The following DSTYK variants were observed in gnomAD, a reference collection of about 807,000 sequenced individuals.
DSTYK encodes the protein RIP-homologous kinase.
Under a neutral mutation model 98.7 loss-of-function variants are expected in DSTYK, and 34 were observed. That is an observed-to-expected ratio of 0.34 (90% CI 0.26 to 0.46). The LOEUF is 0.46. Among genes scored for constraint, DSTYK ranks in the 20% least tolerant of loss-of-function variants. The pLI, the probability that DSTYK is intolerant of heterozygous loss-of-function variation, is 1.00. For missense variants in DSTYK, 962 were observed against 1,181.7 expected, an observed-to-expected ratio of 0.81 and a Z score of 2.73; for synonymous variants, 462 against 457.3, an observed-to-expected ratio of 1.01 and a Z score of -0.13.
intron 1 of DSTYK, chr1:205,202,188 A>G (rs1335273368): frequency 7.1e-6 from 4 of 561,408 alleles, no homozygotes; most frequent in Non-Finnish European, 1.4e-5. Context: ...GTAATCCGTG[A>G]AAATGGTTCG....
intron 1 of DSTYK, among the ~76,000 whole-genome samples, chr1:205,197,914 C>T (rs924315069): frequency 1.3e-5 from 2 of 152,208 alleles, no homozygotes; most frequent in African/African-American, 4.8e-5. Flanking sequence ...ACCACGAAGG[C>T]CGGGCGTGAT....
At chr1:205,188,163 A>T (rs563401832) in intron 1 of DSTYK, among the ~76,000 whole-genome samples, 112 of 152,226 alleles carry the variant, frequency 7.4e-4, no homozygotes, top group Non-Finnish European at 1.4e-3. Flanking sequence ...TTAAAATAAC[A>T]AAGCCAGAAA....
chr1:205,193,390 A>T (rs1269755699), intron 1 of DSTYK, among the ~76,000 whole-genome samples: 1 of 152,172 alleles, frequency 6.6e-6, no homozygotes, highest in Admixed American at 6.5e-5. Context: ...CCATCCCATC[A>T]GGCTCAGAAA....
intron 1 of DSTYK, among the ~76,000 whole-genome samples, chr1:205,210,457 C>G (rs187919146): frequency 6.6e-6 from 1 of 152,272 alleles, no homozygotes; most frequent in Admixed American, 6.5e-5. Context: ...TAATTAGACG[C>G]AGTAGTTAAC....
Position 205,147,709 on chromosome 1 carries a change from T to A in DSTYK, c.2639A>T (p.Glu880Val), listed in dbSNP as rs1657281044. The A allele has an allele frequency of 6.2e-7, 1 of 1,613,722 alleles. No homozygotes were observed. The highest frequency in any genetic ancestry group is 8.5e-7 in the Non-Finnish European group (1 of 1,179,920). Residue 880 changes from glutamate to valine, a missense_variant, in exon 13 of 13, where the codon GAG becomes GTG. This residue lies in a region of DSTYK where 65 missense variants were observed against 63.9 expected (regional missense o/e 1.02). Transcript: ENST00000367162. ...RPERLPVFDE[E>V]CWQLMEACWD... ...ACAGGCTTCCATCAACTGCCAGCACTCCTCATCAAACACAGGAAGACGTTC... is the reference window on the plus strand; with the variant it reads ...ACAGGCTTCCATCAACTGCCAGCACACCTCATCAAACACAGGAAGACGTTC...
chr1:205,169,506 A>T lies in DSTYK; in HGVS notation c.981T>A (p.Thr327=). ...HWNCGAPGQD[T]KAQSMLVEQS... is the part of the protein sequence containing the mutation. ...GTTCCACCAACATGCTCTGAGCTTT[A>T]GTATCCTGGCCAGGAGCCCCACAGT... Residue 327 remains threonine (T), a synonymous_variant, in exon 3 of 13, where the codon ACT becomes ACA. Transcript: ENST00000367162. The surrounding 1 kb of genome is among the most constrained non-coding windows in gnomAD (Gnocchi z 4.0). 1 of 1,614,138 alleles carries T rather than the reference A, an allele frequency of 6.2e-7. No homozygotes were observed. The highest frequency in any genetic ancestry group is 8.5e-7 in the Non-Finnish European group (1 of 1,180,028).
intron 1 of DSTYK, among the ~76,000 whole-genome samples, chr1:205,209,640 TTCTG>T (rs1345582661): frequency 1.4e-5 from 2 of 142,146 alleles, no homozygotes; most frequent in Admixed American, 7.4e-5. Flanking sequence ...TGACTAGTTT[TTCTG>T]AAACTACTAG....
chr1:205,206,197 C>T (rs1659192323), intron 1 of DSTYK, among the ~76,000 whole-genome samples: 1 of 152,208 alleles, frequency 6.6e-6, no homozygotes, highest in Non-Finnish European at 1.5e-5. Context: ...TTGCTCAGTA[C>T]ATACCAGGCA....
chr1:205,186,899 T>C (rs1443348799), intron 2 of DSTYK, among the ~76,000 whole-genome samples: 1 of 152,182 alleles, frequency 6.6e-6, no homozygotes, highest in Non-Finnish European at 1.5e-5. Flanking sequence ...ATGTTCCTTA[T>C]AAAGTAGGAG....
At chr1:205,193,650 C>T (rs549620845) in intron 1 of DSTYK, among the ~76,000 whole-genome samples, 1 of 152,250 alleles carries the variant, frequency 6.6e-6, no homozygotes, top group South Asian at 2.1e-4. Flanking sequence ...GTGGGTGGAT[C>T]ACTTGAGGTC....
At position 205,161,405 on chromosome 1, in the gene DSTYK, A is replaced by T. The variant is rs1241595007; in HGVS notation, c.1819-18T>A. 1.9e-6 allele frequency: 3 copies of T among 1,614,018 alleles called. No homozygotes were observed. Among genetic ancestry groups the T allele is most frequent in the South Asian group, 1.1e-5 (1 of 91,072 alleles). ...GCTTCCAGCTGGGAGAGAAACAGAA[A>T]AAGTACATATGACTTAAGTCCCTAG... On this transcript the variant is annotated intron_variant, in intron 6 of 12. Transcript: ENST00000367162.
chr1:205,211,099 C>G (rs1238162617), intron 1 of DSTYK, among the ~76,000 whole-genome samples, 172 bp downstream of exon 1: 1 of 152,228 alleles, frequency 6.6e-6, no homozygotes, highest in African/African-American at 2.4e-5. Context: ...GAAGGATGCC[C>G]TCCCAAGGTA....
chr1:205,206,586 T>C (rs1044301838), intron 1 of DSTYK, among the ~76,000 whole-genome samples: 9 of 148,388 alleles, frequency 6.1e-5, no homozygotes, highest in South Asian at 2.1e-4. Flanking sequence ...GCCTGTTCTT[T>C]TTTTTTTTTT....
At position 205,201,830 on chromosome 1, in the gene DSTYK, C is replaced by T. The variant is rs1479722824; in HGVS notation, c.265+9441G>A. Reference sequence around the variant, plus strand: ...ATGCCAGCACTTTGGGAAGCCAAGACGGGAGGATCACCTGAGGTCAGGAAT... The same window carrying T: ...ATGCCAGCACTTTGGGAAGCCAAGATGGGAGGATCACCTGAGGTCAGGAAT... On this transcript the variant is annotated intron_variant, in intron 1 of 12. Coordinates refer to ENST00000367162, the MANE Select transcript of DSTYK (RefSeq NM_015375.3). Among the ~76,000 whole-genome samples the T allele has an allele frequency of 2.6e-5, 4 of 152,090 alleles. No homozygotes were observed. In the East Asian group the frequency reaches 7.7e-4, roughly 29 times the overall value.
intron 1 of DSTYK, among the ~76,000 whole-genome samples, chr1:205,207,232 T>C (rs1659229536): frequency 6.6e-6 from 1 of 151,556 alleles, no homozygotes; most frequent in Non-Finnish European, 1.5e-5. Context: ...GCACGCGCCA[T>C]CATGCCTGGC....
intron 11 of DSTYK, among the ~76,000 whole-genome samples, chr1:205,148,903 GTTT>G (rs201437284): frequency 7.4e-6 from 1 of 135,724 alleles, no homozygotes. Flanking sequence ...ATTAGAAAGT[GTTT>G]TTTTTTTTTT....
At chr1:205,148,172 G>T (rs367715407) in intron 12 of DSTYK, 33 bp downstream of exon 12, 56 of 1,613,438 alleles carry the variant, frequency 3.5e-5, no homozygotes, top group Admixed American at 5.0e-5. Context: ...CTAGCCAGGG[G>T]AGTTAGGACA....
chr1:205,202,682 C>G, intron 1 of DSTYK: 1 of 1,130,368 alleles, frequency 8.8e-7, no homozygotes, highest in African/African-American at 1.5e-5. Flanking sequence ...GAGGAGGGTG[C>G]CCAGAAGAAA....
intron 1 of DSTYK, among the ~76,000 whole-genome samples, chr1:205,189,918 A>AT (rs1411939829): frequency 2.0e-5 from 3 of 152,240 alleles, no homozygotes; most frequent in Admixed American, 6.5e-5. Context: ...ATACAAGAGT[A>AT]TAACACCAGA....
Sources: allele counts gnomAD v4.1 joint callset (sites outside exome capture counted in the v4.1 genomes callset), GRCh38; gene constraint gnomAD v4.1.1; regional missense constraint gnomAD v4.1.1; non-coding constraint Gnocchi (gnomAD v3.1); transcripts MANE v1.5; gene names NCBI Gene and HGNC (gene_info 2026-07-23, HGNC 2026-07-21).